The following THSD7B variants were observed in gnomAD, a reference collection of about 807,000 sequenced individuals.
THSD7B encodes the protein thrombospondin type-1 domain-containing protein 7B.
THSD7B carries 138 observed loss-of-function variants against 213.6 expected under a neutral mutation model. That is an observed-to-expected ratio of 0.65 (90% confidence interval 0.56 to 0.74). The LOEUF is 0.74. Ranked by LOEUF, THSD7B falls within the 30% of genes least tolerant of loss-of-function variation. The pLI is 0.00. For synonymous variants in THSD7B, 742 were observed against 687.0 expected (o/e 1.08, Z -1.25); for missense variants, 1,931 against 1,991.5 (o/e 0.97, Z 0.58).
intron 12 of THSD7B, among the ~76,000 whole-genome samples, chr2:137,327,321 T>C (rs1043922746): frequency 5.3e-5 from 8 of 152,202 alleles, no homozygotes; most frequent in Admixed American, 4.6e-4. Context: ...GATTTGATTG[T>C]TTAGCTTTGA....
intron 15 of THSD7B, among the ~76,000 whole-genome samples, chr2:137,508,376 A>ATTTTTTTTT (rs11383871): frequency 9.3e-6 from 1 of 107,950 alleles, no homozygotes; most frequent in Admixed American, 1.1e-4. Flanking sequence ...AAATAAAACA[A>ATTTTTTTTT]TTTTTTTTTT....
At chr2:137,316,844 G>T (rs1225794557) in intron 12 of THSD7B, among the ~76,000 whole-genome samples, 1 of 152,038 alleles carries the variant, frequency 6.6e-6, no homozygotes, top group Non-Finnish European at 1.5e-5. Context: ...ATGGGGAGGA[G>T]AGAGTGAGCC....
chr2:137,112,470 G>A (rs758408480), intron 4 of THSD7B, among the ~76,000 whole-genome samples: 2 of 151,754 alleles, frequency 1.3e-5, no homozygotes, highest in Non-Finnish European at 2.9e-5. Context: ...CAAGTTTTTT[G>A]TTACTTTATA....
chr2:137,543,759 A>T (rs905498363), intron 15 of THSD7B, among the ~76,000 whole-genome samples: 3 of 151,752 alleles, frequency 2.0e-5, no homozygotes, highest in African/African-American at 7.3e-5. Flanking sequence ...AACTCTTACA[A>T]CTGAACAACA....
chr2:136,988,865 T>G (rs572431370), intron 2 of THSD7B, among the ~76,000 whole-genome samples: 149 of 152,174 alleles, frequency 9.8e-4, no homozygotes, highest in Non-Finnish European at 7.6e-4. Flanking sequence ...TGCACTGGCC[T>G]AGGTGATAAG....
At chr2:137,427,191 G>A (rs1202812932) in intron 14 of THSD7B, among the ~76,000 whole-genome samples, 1 of 152,068 alleles carries the variant, frequency 6.6e-6, no homozygotes, top group East Asian at 1.9e-4. Context: ...CAAGGCTCTT[G>A]GGAATGTAAA....
At chr2:136,919,509 C>G (rs945747358) in intron 2 of THSD7B, among the ~76,000 whole-genome samples, 7 of 152,208 alleles carry the variant, frequency 4.6e-5, no homozygotes, top group Non-Finnish European at 8.8e-5. Context: ...CAGGCTTATT[C>G]TAAATGTACA....
At chr2:137,492,670 A>G (rs1679445325) in intron 15 of THSD7B, among the ~76,000 whole-genome samples, 2 of 152,208 alleles carry the variant, frequency 1.3e-5, no homozygotes, top group Admixed American at 1.3e-4. Flanking sequence ...GGTATAAAAC[A>G]ATGGTTACTT....
At chr2:137,374,182 G>A (rs980846025) in intron 12 of THSD7B, among the ~76,000 whole-genome samples, 4 of 151,886 alleles carry the variant, frequency 2.6e-5, no homozygotes, top group African/African-American at 4.8e-5. Context: ...GAGAGAGCTG[G>A]GAATCTGGCT....
At chr2:136,849,767 GAA>G (rs1683067372) in intron 1 of THSD7B, among the ~76,000 whole-genome samples, 22 of 152,054 alleles carry the variant, frequency 1.4e-4, no homozygotes, top group Admixed American at 1.2e-3. Context: ...ATAATATTTA[GAA>G]AAATTGTTTA....
intron 7 of THSD7B, among the ~76,000 whole-genome samples, chr2:137,194,706 T>C (rs1680725366): frequency 6.6e-6 from 1 of 152,178 alleles, no homozygotes; most frequent in Admixed American, 6.5e-5. Context: ...TAATGTTTTC[T>C]CTCTTTGTAT....
chr2:137,411,992 T>A, intron 14 of THSD7B, 120 bp downstream of exon 14: 1 of 1,151,984 alleles, frequency 8.7e-7, no homozygotes, highest in Non-Finnish European at 1.2e-6. Flanking sequence ...CCTTTGTCAA[T>A]AACACATTGT....
intron 15 of THSD7B, among the ~76,000 whole-genome samples, chr2:137,548,175 G>C (rs1680777520): frequency 6.6e-6 from 1 of 152,016 alleles, no homozygotes; most frequent in Non-Finnish European, 1.5e-5. Flanking sequence ...CTGGAATCGA[G>C]GGCACTTGGG....
intron 12 of THSD7B, among the ~76,000 whole-genome samples, chr2:137,277,960 G>T (rs1271566067): frequency 6.6e-6 from 1 of 152,038 alleles, no homozygotes; most frequent in Non-Finnish European, 1.5e-5. Flanking sequence ...TCTTTTTCTT[G>T]TGGGAGCATG....
intron 3 of THSD7B, among the ~76,000 whole-genome samples, chr2:137,063,075 CA>C (rs1189886126): frequency 8.6e-5 from 13 of 151,602 alleles, no homozygotes; most frequent in Non-Finnish European, 1.8e-4. Flanking sequence ...TAATCCCTGA[CA>C]ATTTTCTTTG....
intron 1 of THSD7B, among the ~76,000 whole-genome samples, chr2:136,780,427 G>T (rs1429212974): frequency 6.6e-6 from 1 of 152,176 alleles, no homozygotes; most frequent in Non-Finnish European, 1.5e-5. Context: ...ACATATGAAT[G>T]TTGGTGAGAC....
chr2:137,571,632 A>G (rs1220654692), intron 16 of THSD7B, among the ~76,000 whole-genome samples: 1 of 152,224 alleles, frequency 6.6e-6, no homozygotes, highest in Non-Finnish European at 1.5e-5. Context: ...TTTGGCAAGC[A>G]TATAGTGGTA....
At chr2:137,495,167 A>G (rs1558815746) in intron 15 of THSD7B, among the ~76,000 whole-genome samples, 1 of 152,034 alleles carries the variant, frequency 6.6e-6, no homozygotes, top group Non-Finnish European at 1.5e-5. Flanking sequence ...TTTTTTTTCT[A>G]TTTAGTGGTT....
intron 2 of THSD7B, among the ~76,000 whole-genome samples, chr2:136,930,477 G>T (rs1487516618): frequency 6.6e-6 from 1 of 152,148 alleles, no homozygotes; most frequent in Non-Finnish European, 1.5e-5. Context: ...AATGGCAGAG[G>T]TTTGATCTCT....
Sources: gnomAD v4.1 joint callset for allele counts (sites outside exome capture counted in the v4.1 genomes callset) on GRCh38, gnomAD v4.1.1 for gene constraint, MANE v1.5 for transcripts, NCBI Gene and HGNC (gene_info 2026-07-23, HGNC 2026-07-21) for gene names.